The following GPC1 variants were observed in gnomAD, a reference collection of about 807,000 sequenced individuals.
GPC1 encodes the protein glypican 1.
A neutral mutation model predicts 51.5 loss-of-function variants in GPC1; 26 were observed. The ratio of observed to expected loss-of-function variants is 0.50; its 90% confidence interval spans 0.37 to 0.70. The LOEUF (loss-of-function observed/expected upper bound fraction) is 0.70, where lower values mean the gene tolerates loss of function less well. Among genes scored for constraint, GPC1 ranks in the 30% least tolerant of loss-of-function variants. GPC1 has a pLI of 0.00. For missense variants in GPC1, 775 were observed against 800.5 expected, an observed-to-expected ratio of 0.97 and a Z score of 0.38; for synonymous variants, 380 against 348.3, an observed-to-expected ratio of 1.09 and a Z score of -1.01.
At chr2:240,454,081 A>T (rs2151791987) in intron 1 of GPC1, among the ~76,000 whole-genome samples, 1 of 146,186 alleles carries the variant, frequency 6.8e-6, no homozygotes, top group African/African-American at 2.5e-5. Flanking sequence ...CTTCGGGCAG[A>T]CGGCAGGGGT....
At chr2:240,438,592 G>A (rs924289072) in intron 1 of GPC1, among the ~76,000 whole-genome samples, 2 of 152,336 alleles carry the variant, frequency 1.3e-5, no homozygotes, top group Non-Finnish European at 2.9e-5. Context: ...TGGGCACCTC[G>A]CTGGCCCGGA....
intron 1 of GPC1, among the ~76,000 whole-genome samples, chr2:240,440,531 G>A (rs973546758): frequency 1.3e-5 from 2 of 152,022 alleles, no homozygotes; most frequent in African/African-American, 4.8e-5. Context: ...ACGTTTAACC[G>A]GGACTCCTCC....
At chr2:240,450,431 C>T in intron 1 of GPC1, 1 of 364,098 alleles carries the variant, frequency 2.7e-6, no homozygotes, top group Non-Finnish European at 5.6e-6. Context: ...CCCCGTGCTG[C>T]TACTCCTAGC....
chr2:240,457,347 C>T (rs563200319), intron 1 of GPC1: 97 of 443,188 alleles, frequency 2.2e-4, no homozygotes, highest in Non-Finnish European at 3.4e-4. Context: ...AAGCGGCAGC[C>T]GCCCAAGCCC....
In GPC1 at chr2:240,448,851, G is replaced by A. The variant is rs535447514; in HGVS notation, c.167-10179G>A. Among the ~76,000 whole-genome samples, 6 of 152,272 alleles carry A rather than the reference G, an allele frequency of 3.9e-5. No homozygotes were observed. Among genetic ancestry groups the A allele is most frequent in the Non-Finnish European group, 8.8e-5 (6 of 67,996 alleles). On this transcript the variant is annotated intron_variant, in intron 1 of 8. Coordinates refer to ENST00000264039, the MANE Select transcript of GPC1 (RefSeq NM_002081.3). This position sits in a 1 kb window ranked among gnomAD's most constrained non-coding sequence, Gnocchi z 4.5. The stretch of plus-strand genomic sequence containing the variant: ...CCAGCAATGGGATAGTCAGGCCAGC[G>A]AGGGTGGCCAGGCCTGACCCTAGTT...
Position 240,435,796 on chromosome 2 carries a change from C to G in GPC1, c.-123C>G. 1 of 611,928 alleles carries G rather than the reference C, an allele frequency of 1.6e-6. No individual in the cohort carries two copies. 37.9% of individuals were successfully genotyped at this position (611,928 alleles called of 1,614,324 possible). ...TCCGCCTCCTCGGCCGCCGCCGCCT[C>G]TGGACCGCGAGCCGCGCGCGCCGGG... On this transcript the variant is annotated 5_prime_UTR_variant, in exon 1 of 9. Coordinates refer to ENST00000264039, the MANE Select transcript of GPC1 (RefSeq NM_002081.3).
At chr2:240,464,489 T>C in intron 4 of GPC1, 127 bp from the exon 5 acceptor site, 1 of 1,272,928 alleles carries the variant, frequency 7.9e-7, no homozygotes. Flanking sequence ...ACACGTGGGA[T>C]CTCCCATGCT....
At chr2:240,443,920 GC>G (rs1479282019) in intron 1 of GPC1, among the ~76,000 whole-genome samples, 1 of 152,234 alleles carries the variant, frequency 6.6e-6, no homozygotes, top group African/African-American at 2.4e-5. Context: ...GCCGCCTGGG[GC>G]CAAGCCCCAC....
intron 1 of GPC1, among the ~76,000 whole-genome samples, chr2:240,443,032 C>T (rs1003413760): frequency 6.6e-5 from 10 of 152,272 alleles, no homozygotes; most frequent in Non-Finnish European, 1.0e-4. Flanking sequence ...CCCCTCCTGC[C>T]GTGGGCCTCC....
intron 1 of GPC1, among the ~76,000 whole-genome samples, chr2:240,443,929 C>T (rs1410553604): frequency 6.6e-6 from 1 of 152,260 alleles, no homozygotes; most frequent in Non-Finnish European, 1.5e-5. Context: ...GGCCAAGCCC[C>T]ACACTTGCTT....
At chr2:240,451,525 C>T (rs2151790074) in intron 1 of GPC1, 2 of 299,628 alleles carry the variant, frequency 6.7e-6, no homozygotes, top group Non-Finnish European at 1.3e-5. Context: ...TGAGTGCCCT[C>T]TTCAGCTCCA....
intron 1 of GPC1, chr2:240,449,381 C>A: frequency 6.9e-6 from 1 of 144,596 alleles, no homozygotes; most frequent in Admixed American, 7.4e-5. Flanking sequence ...ACACGAGGTA[C>A]ATGGGAATTT....
intron 1 of GPC1, among the ~76,000 whole-genome samples, chr2:240,452,645 TCGG>T (rs1415047458): frequency 6.6e-6 from 1 of 151,790 alleles, no homozygotes; most frequent in Non-Finnish European, 1.5e-5. Flanking sequence ...GGGCCCGGCC[TCGG>T]CGGCGGGCAG....
In GPC1 at chr2:240,466,155, G is replaced by C; in HGVS notation, c.1542G>C (p.Leu514Phe). Residue 514 changes from leucine to phenylalanine, a missense_variant, in exon 9 of 9, where the codon TTG (leucine) becomes TTC (phenylalanine). Transcript: ENST00000264039. ...AGAGCTCCAGCTCCCGGACGCCCTT[G>C]ACCCATGCCCTCCCAGGCCTGTCAG... ...SRKSSSSRTP[L>F]THALPGLSEQ... 2 of 1,612,984 alleles carry C rather than the reference G, an allele frequency of 1.2e-6. No homozygotes were observed. The highest frequency in any genetic ancestry group is 1.7e-6 in the Non-Finnish European group (2 of 1,179,694).
At chr2:240,461,916 C>T (rs1000892946) in intron 2 of GPC1, among the ~76,000 whole-genome samples, 1 of 152,102 alleles carries the variant, frequency 6.6e-6, no homozygotes, top group Non-Finnish European at 1.5e-5. Context: ...GCCCAGGGCT[C>T]AGCTCAGAAA....
rs1220142221 is a variant in GPC1, at chr2:240,448,838, TAGTC to T, written c.167-10189_167-10186del. On this transcript the variant is annotated intron_variant, in intron 1 of 8. Coordinates refer to ENST00000264039, the MANE Select transcript of GPC1 (RefSeq NM_002081.3). This position sits in a 1 kb window ranked among gnomAD's most constrained non-coding sequence, Gnocchi z 4.5. ...CAGCAGCACCTGGCCAGCAATGGGA[TAGTC>T]AGGCCAGCGAGGGTGGCCAGGCCTG... Among the ~76,000 whole-genome samples the T allele has an allele frequency of 1.3e-5, 2 of 151,960 alleles. No homozygotes were observed.
intron 1 of GPC1, among the ~76,000 whole-genome samples, chr2:240,436,597 C>T (rs891906600): frequency 6.6e-6 from 1 of 152,258 alleles, no homozygotes; most frequent in African/African-American, 2.4e-5. Context: ...CCGGTCCTGC[C>T]CGGGGATTCT....
intron 1 of GPC1, among the ~76,000 whole-genome samples, chr2:240,443,457 C>T (rs994708672): frequency 6.6e-6 from 1 of 152,208 alleles, no homozygotes; most frequent in African/African-American, 2.4e-5. Context: ...CCCCTTGGGT[C>T]CTGCAGGCTT....
intron 1 of GPC1, chr2:240,449,439 T>C (rs2074077046): frequency 5.6e-6 from 1 of 179,624 alleles, no homozygotes; most frequent in East Asian, 1.5e-4. Flanking sequence ...CCAAATACTT[T>C]CATTTCAAAT....
Sources: allele counts gnomAD v4.1 joint callset (sites outside exome capture counted in the v4.1 genomes callset), GRCh38; gene constraint gnomAD v4.1.1; non-coding constraint Gnocchi (gnomAD v3.1); transcripts MANE v1.5; gene names NCBI Gene and HGNC (gene_info 2026-07-23, HGNC 2026-07-21).